The following AP3S2 variants were observed in gnomAD, a reference collection of about 807,000 sequenced individuals.
The protein encoded by AP3S2 is adaptor related protein complex 3 subunit sigma 2.
A neutral mutation model predicts 23.4 loss-of-function variants in AP3S2; 22 were observed. The ratio of observed to expected loss-of-function variants is 0.94; its 90% CI spans 0.67 to 1.34. The LOEUF (loss-of-function observed/expected upper bound fraction) is 1.34. AP3S2 is among the 40% of genes most tolerant of loss of function. The pLI is 0.00. For synonymous variants in AP3S2, 86 were observed against 87.1 expected (o/e 0.99, Z 0.07); for missense variants, 241 against 236.9 (o/e 1.02, Z -0.11).
intron 4 of AP3S2, among the ~76,000 whole-genome samples, chr15:89,844,914 C>CT (rs985721264): frequency 8.5e-4 from 124 of 146,436 alleles, no homozygotes; most frequent in East Asian, 5.4e-3. Context: ...ATTTTCTTTT[C>CT]TTTTTTTTTT....
chr15:89,891,716 AAAAT>A (rs768841972), intron 1 of AP3S2, among the ~76,000 whole-genome samples: 4 of 152,136 alleles, frequency 2.6e-5, no homozygotes, highest in African/African-American at 4.8e-5. Flanking sequence ...TCTTTAACCA[AAAAT>A]AAATAAATAA....
intron 1 of AP3S2, among the ~76,000 whole-genome samples, chr15:89,890,533 A>G (rs917277840): frequency 1.3e-5 from 2 of 152,218 alleles, no homozygotes; most frequent in African/African-American, 4.8e-5. Context: ...TGCTTCTCAA[A>G]TCTTCATTTG....
Position 89,893,964 on chromosome 15 carries a change from G to T in AP3S2, c.-15C>A. ...GCCTGAATCATCTTTGCCAGCCACG[G>T]TTCTCTCAGCACCGGCTACTCCCAG... is the stretch of plus-strand genomic sequence containing the variant. On this transcript the variant is annotated 5_prime_UTR_variant, in exon 1 of 6. Coordinates refer to ENST00000336418, the MANE Select transcript of AP3S2 (RefSeq NM_005829.5). The T allele has an allele frequency of 6.4e-7, 1 of 1,551,016 alleles. No homozygotes were observed.
At chr15:89,891,966 G>C (rs1400031469) in intron 1 of AP3S2, among the ~76,000 whole-genome samples, 3 of 152,020 alleles carry the variant, frequency 2.0e-5, no homozygotes, top group African/African-American at 7.3e-5. Context: ...AATTAGAAGA[G>C]CCAAAAAGCA....
intron 3 of AP3S2, chr15:89,878,140 G>A (rs185604100): frequency 3.5e-4 from 178 of 501,448 alleles, no homozygotes; most frequent in African/African-American, 3.1e-3. Flanking sequence ...GCAGATGTTC[G>A]TTAGAAGATC....
Position 89,832,805 on chromosome 15 carries a change from A to T in AP3S2, c.*2710T>A, listed in dbSNP as rs1255931795. The T allele has an allele frequency of 1.3e-5, 2 of 152,138 alleles. No homozygotes were observed. The highest frequency in any genetic ancestry group is 1.9e-4 in the East Asian group (1 of 5,184). The allele number at this position is 152,138 out of a possible 1,614,324, so 9.4% of individuals were successfully genotyped here. On this transcript the variant is annotated 3_prime_UTR_variant, in exon 6 of 6. Coordinates refer to ENST00000336418, the MANE Select transcript of AP3S2 (RefSeq NM_005829.5). Reference sequence around the variant, plus strand: ...ACCTGGCCAACCTTAACCTATTTTTAAAAAAGATGTTTATGGCTTTGCTGA... The same window carrying T: ...ACCTGGCCAACCTTAACCTATTTTTTAAAAAGATGTTTATGGCTTTGCTGA...
intron 4 of AP3S2, among the ~76,000 whole-genome samples, chr15:89,844,207 TTCTCTTTCTTTCTTTC>T (rs1360314755): frequency 7.8e-5 from 10 of 128,656 alleles, no homozygotes; most frequent in Non-Finnish European, 1.7e-4. Flanking sequence ...CTTTCTTTCT[TTCTCTTTCTTTCTTTC>T]TTTCTTTCTT....
chr15:89,881,240 C>T (rs1331277844), intron 3 of AP3S2, among the ~76,000 whole-genome samples: 1 of 152,086 alleles, frequency 6.6e-6, no homozygotes, highest in Non-Finnish European at 1.5e-5. Context: ...GCAAAGGAGC[C>T]GGACCATGTT....
intron 4 of AP3S2, chr15:89,845,313 A>G (rs866670016): frequency 6.6e-6 from 1 of 152,242 alleles, no homozygotes; most frequent in Admixed American, 6.5e-5. Context: ...AAACATCACA[A>G]CTGACCTTTG....
At chr15:89,868,526 A>G (rs1389055295) in intron 4 of AP3S2, among the ~76,000 whole-genome samples, 3 of 109,052 alleles carry the variant, frequency 2.8e-5, no homozygotes, top group East Asian at 3.1e-4. Flanking sequence ...TGGGGGGGTC[A>G]GCCCCCCGCC....
intron 4 of AP3S2, among the ~76,000 whole-genome samples, chr15:89,851,434 G>T (rs1027185196): frequency 1.3e-5 from 2 of 151,936 alleles, no homozygotes; most frequent in African/African-American, 2.4e-5. Flanking sequence ...CGCCTCCTGC[G>T]TTCAAGCAAT....
At chr15:89,873,347 C>G (rs760761572) in intron 3 of AP3S2, among the ~76,000 whole-genome samples, 2 of 150,984 alleles carry the variant, frequency 1.3e-5, no homozygotes, top group Non-Finnish European at 2.9e-5. Context: ...TGCAGTGCCA[C>G]GATCTTGGCT....
At chr15:89,853,123 C>T (rs1895700510) in intron 4 of AP3S2, among the ~76,000 whole-genome samples, 1 of 152,172 alleles carries the variant, frequency 6.6e-6, no homozygotes, top group East Asian at 1.9e-4. Flanking sequence ...GGGAGTGAGG[C>T]ATGTCCTTCT....
In AP3S2 at chr15:89,871,441, C is replaced by T. The variant is rs574645644; in HGVS notation, c.345+34G>A. The T allele has an allele frequency of 3.8e-6, 6 of 1,595,798 alleles. No homozygotes were observed. In the Admixed American group the frequency reaches 7.0e-5, roughly 19 times the overall value. On this transcript the variant is annotated intron_variant, in intron 4 of 5. Coordinates refer to ENST00000336418, the MANE Select transcript of AP3S2 (RefSeq NM_005829.5). ...CCCAAGGCTCTTGGTTTTCTAGTAA[C>T]CCTAGTTTGGAAGAGAACTGCAAGA...
At chr15:89,890,725 A>G (rs1896800864) in intron 1 of AP3S2, among the ~76,000 whole-genome samples, 1 of 152,198 alleles carries the variant, frequency 6.6e-6, no homozygotes, top group Non-Finnish European at 1.5e-5. Flanking sequence ...GAGTTAGAAA[A>G]TAGGTTCAAG....
intron 4 of AP3S2, among the ~76,000 whole-genome samples, chr15:89,847,375 C>CAAAA (rs11314336): frequency 8.0e-5 from 5 of 62,596 alleles, no homozygotes; most frequent in East Asian, 6.3e-4. Context: ...GACCCTGTTA[C>CAAAA]AAAAAAAAAA....
chr15:89,830,952 T>C lies in AP3S2; in HGVS notation c.*4563A>G, dbSNP rs1453871084. On this transcript the variant is annotated 3_prime_UTR_variant, in exon 6 of 6. Coordinates refer to ENST00000336418, the MANE Select transcript of AP3S2 (RefSeq NM_005829.5). ...CATCCCTAACACAAATCCAGGGACT[T>C]TGTTTCTTAACCTTAAAATTGGAAA... 1 of 152,242 alleles carries C rather than the reference T, an allele frequency of 6.6e-6. No individual in the cohort carries two copies. Among genetic ancestry groups the C allele is most frequent in the East Asian group, 1.9e-4 (1 of 5,200 alleles). 9.4% of individuals were successfully genotyped at this position (152,242 alleles called of 1,614,324 possible). A position where few individuals can be genotyped will look rare whatever the true frequency, so the allele number is the denominator to read the frequency against.
chr15:89,836,792 A>G (rs1019859014), intron 5 of AP3S2, among the ~76,000 whole-genome samples: 3 of 152,168 alleles, frequency 2.0e-5, no homozygotes, highest in Non-Finnish European at 4.4e-5. Flanking sequence ...CTACATTTCT[A>G]AAAGAACTAT....
intron 1 of AP3S2, chr15:89,893,625 C>T: frequency 2.0e-6 from 1 of 506,190 alleles, no homozygotes; most frequent in South Asian, 3.0e-5. Flanking sequence ...CAGAGACCCA[C>T]GGGAAAATGT....
Sources: allele counts gnomAD v4.1 joint callset (sites outside exome capture counted in the v4.1 genomes callset), GRCh38; gene constraint gnomAD v4.1.1; transcripts MANE v1.5; gene names NCBI Gene and HGNC (gene_info 2026-07-23, HGNC 2026-07-21).